Variants in DGKH observed in about 807,000 individuals in gnomAD.
DGKH encodes diacylglycerol kinase eta.
A neutral mutation model predicts 159.3 loss-of-function variants in DGKH; 90 were observed. That is an observed-to-expected ratio of 0.57 (90% CI 0.48 to 0.67). DGKH has a LOEUF of 0.67. DGKH is among the 30% of genes least tolerant of loss of function. DGKH has a pLI of 0.00. For missense variants in DGKH, 1,181 were observed against 1,506.1 expected, an observed-to-expected ratio of 0.78 and a Z score of 3.57; for synonymous variants, 536 against 553.8, an observed-to-expected ratio of 0.97 and a Z score of 0.45.
chr13:42,159,858 A>G (rs2137974775), intron 6 of DGKH, among the ~76,000 whole-genome samples, 153 bp from the exon 7 acceptor site: 1 of 152,332 alleles, frequency 6.6e-6, no homozygotes, highest in Middle Eastern at 3.4e-3. Flanking sequence ...AACGTTCATA[A>G]TAGATGCTCA....
intron 9 of DGKH, among the ~76,000 whole-genome samples, chr13:42,167,883 AG>A (rs1956349525): frequency 6.6e-6 from 1 of 152,180 alleles, no homozygotes; most frequent in Admixed American, 6.5e-5. Flanking sequence ...TAATACTTGA[AG>A]TAAGTGTACA....
chr13:42,050,623 A>G lies in DGKH; in HGVS notation c.192+1658A>G, dbSNP rs146669367. 3.3e-5 allele frequency among the ~76,000 whole-genome samples: 5 copies of G among 152,320 alleles called. No homozygotes were observed. In the East Asian group the frequency reaches 7.7e-4, roughly 23 times the overall value. ...AGGGACTTTCCTAAAAGTGTTTTTA[A>G]TATTTCAAATCTTAATTCTGAAAAA... On this transcript the variant is annotated intron_variant, in intron 1 of 29. Transcript: ENST00000337343.
At chr13:42,147,869 C>T (rs74054508) in intron 3 of DGKH, among the ~76,000 whole-genome samples, 13,948 of 152,164 alleles carry the variant, frequency 0.092, 1,484 homozygotes, top group African/African-American at 0.26. Flanking sequence ...CTTACATAGA[C>T]TTGCCTATGT....
chr13:42,127,103 A>G (rs1276953945), intron 1 of DGKH, among the ~76,000 whole-genome samples: 1 of 152,198 alleles, frequency 6.6e-6, no homozygotes, highest in Non-Finnish European at 1.5e-5. Flanking sequence ...AGGTGAACCC[A>G]AGGTTTCTGG....
intron 1 of DGKH, among the ~76,000 whole-genome samples, chr13:42,061,988 G>GGTGGGTGTGT (rs1555256127): frequency 6.7e-6 from 1 of 149,678 alleles, no homozygotes; most frequent in Non-Finnish European, 1.5e-5. Flanking sequence ...TGTGTGTGTG[G>GGTGGGTGTGT]GTGTGTGTGT....
chr13:42,175,813 G>A (rs975369183), intron 12 of DGKH, among the ~76,000 whole-genome samples: 2 of 152,222 alleles, frequency 1.3e-5, no homozygotes, highest in African/African-American at 4.8e-5. Context: ...GCATTTTACT[G>A]TGTGTGGCCT....
At position 42,192,145 on chromosome 13, in the gene DGKH, A is replaced by G. The variant is rs150033778; in HGVS notation, c.2035+1620A>G. On this transcript the variant is annotated intron_variant, in intron 16 of 29. Transcript: ENST00000337343. The stretch of plus-strand genomic sequence containing the variant: ...TGCTGCTGCTGCTGTCACTAATTAC[A>G]TTAACGGTGAGAGAATATTTCATTG... Among the ~76,000 whole-genome samples, 15 of 152,278 alleles carry G rather than the reference A, an allele frequency of 9.9e-5. No homozygotes were observed. In the East Asian group the frequency reaches 2.9e-3, roughly 29 times the overall value.
intron 1 of DGKH, chr13:42,066,345 A>T (rs1263562435): frequency 6.6e-5 from 10 of 152,226 alleles, no homozygotes; most frequent in Non-Finnish European, 1.2e-4. Flanking sequence ...GACATTATTC[A>T]GCCTTGAACT....
At position 42,190,456 on chromosome 13, in the gene DGKH, T is replaced by G. The variant is rs1214036440; in HGVS notation, c.1966T>G (p.Tyr656Asp). 6 of 1,612,212 alleles carry G rather than the reference T, an allele frequency of 3.7e-6. No homozygotes were observed. The highest frequency in any genetic ancestry group is 5.1e-6 in the Non-Finnish European group (6 of 1,179,316). ...PCEPANQSSD[Y>D]DSTETDESKE... ...TGAACCAGCTAATCAGTCCTCTGAT[T>G]ATGACAGCACAGAAACAGATGAATC... The change falls in exon 16 of 30, where the codon TAT becomes GAT. Residue 656 changes from tyrosine (Y) to aspartate (D), a missense_variant. Tyr to Asp is a radical substitution (Grantham distance 160). Around this residue, in one of 5 missense-constraint regions of DGKH, gnomAD observed 257 missense variants for 281.5 expected, o/e 0.91. Transcript: ENST00000337343.
At chr13:42,088,819 C>T (rs1229096282) in intron 1 of DGKH, among the ~76,000 whole-genome samples, 1 of 152,114 alleles carries the variant, frequency 6.6e-6, no homozygotes, top group Non-Finnish European at 1.5e-5. Flanking sequence ...CTTTTGAATG[C>T]CTTGTTGGGC....
exon 31 of DGKH, chr13:42,256,402 G>A (rs1958657710): frequency 6.3e-7 from 1 of 1,582,484 alleles, no homozygotes; most frequent in Non-Finnish European, 8.7e-7. Context: ...CGTATGACAA[G>A]GCAGCAAAGA....
chr13:42,218,391 A>G (rs1229992415), intron 26 of DGKH, among the ~76,000 whole-genome samples: 2 of 150,292 alleles, frequency 1.3e-5, no homozygotes, highest in Non-Finnish European at 3.0e-5. Flanking sequence ...AAGATTCATG[A>G]TTTTTTACCC....
intron 26 of DGKH, among the ~76,000 whole-genome samples, chr13:42,216,329 G>A (rs1001086094): frequency 6.6e-6 from 1 of 152,148 alleles, no homozygotes; most frequent in East Asian, 1.9e-4. Flanking sequence ...TTCGGTTGTG[G>A]CTTATTCCCA....
chr13:42,122,444 G>T (rs1247903163), intron 1 of DGKH, among the ~76,000 whole-genome samples: 1 of 152,130 alleles, frequency 6.6e-6, no homozygotes, highest in Non-Finnish European at 1.5e-5. Context: ...ATGGCAAGGG[G>T]GCTGAGCATG....
chr13:42,198,063 A>G (rs996162070), intron 17 of DGKH, among the ~76,000 whole-genome samples: 17 of 152,246 alleles, frequency 1.1e-4, no homozygotes, highest in African/African-American at 4.1e-4. Flanking sequence ...AAGTATCATT[A>G]TCTATGATTT....
rs1958446319 is a variant in DGKH at position 42,237,690 on chromosome 13, C to G, written c.*8502C>G. The G allele has an allele frequency of 6.6e-6, 1 of 152,182 alleles. No individual in the cohort carries two copies. The highest frequency in any genetic ancestry group is 6.5e-5 in the Admixed American group (1 of 15,274). 9.4% of individuals were successfully genotyped at this position (152,182 alleles called of 1,614,324 possible). On this transcript the variant is annotated 3_prime_UTR_variant, in exon 30 of 30. Coordinates refer to ENST00000337343, the MANE Select transcript of DGKH (RefSeq NM_178009.5). Reference sequence around the variant, plus strand: ...TTGAGAAGTCAGTAAGAAGGTAGTTCAGATGACCTAATCATTCAAGACATT... The same window carrying G: ...TTGAGAAGTCAGTAAGAAGGTAGTTGAGATGACCTAATCATTCAAGACATT...
chr13:42,089,861 A>G (rs1188791408), intron 1 of DGKH, among the ~76,000 whole-genome samples: 1 of 152,186 alleles, frequency 6.6e-6, no homozygotes, highest in South Asian at 2.1e-4. Context: ...GTGGAGGGAC[A>G]TTACTCTGCC....
chr13:42,052,812 T>C (rs1188190790), intron 1 of DGKH, among the ~76,000 whole-genome samples: 5 of 152,232 alleles, frequency 3.3e-5, no homozygotes, highest in African/African-American at 1.2e-4. Context: ...AACCAAACAG[T>C]ATAAACAAAT....
chr13:42,219,135 T>G, intron 26 of DGKH, 95 bp from the exon 27 acceptor site: 2 of 1,479,384 alleles, frequency 1.4e-6, no homozygotes, highest in South Asian at 1.4e-5. Flanking sequence ...TAATAAGGAG[T>G]GAGGCTGTTC....
Sources: gnomAD v4.1 joint callset for allele counts (sites outside exome capture counted in the v4.1 genomes callset) on GRCh38, gnomAD v4.1.1 for gene constraint, gnomAD v4.1.1 regional missense constraint, MANE v1.5 for transcripts, NCBI Gene and HGNC (gene_info 2026-07-23, HGNC 2026-07-21) for gene names.